The following ASCC3 variants were observed in gnomAD, a reference collection of about 807,000 sequenced individuals.
ASCC3 encodes the protein activating signal cointegrator 1 complex subunit 3, also known as ASC-1 complex subunit P200.
A neutral mutation model predicts 256.3 loss-of-function variants in ASCC3; 158 were observed. The observed-to-expected ratio is 0.62, with a 90% CI of 0.54 to 0.70. The LOEUF (loss-of-function observed/expected upper bound fraction) is 0.70, where lower values mean the gene tolerates loss of function less well. Among genes scored for constraint, ASCC3 ranks in the 30% least tolerant of loss-of-function variants. The pLI is 0.00. For synonymous variants in ASCC3, 948 were observed against 883.4 expected (o/e 1.07, Z -1.30); for missense variants, 2,259 against 2,626.0 (o/e 0.86, Z 3.05).
At chr6:100,756,221 T>C (rs976298878) in intron 10 of ASCC3, among the ~76,000 whole-genome samples, 2 of 152,110 alleles carry the variant, frequency 1.3e-5, no homozygotes, top group East Asian at 3.9e-4. Context: ...AAAAAAAACT[T>C]CTTTGTACGA....
rs377615856 is a variant in ASCC3 at position 100,625,379 on chromosome 6, C to T, written c.4643-45G>A. On this transcript the variant is annotated intron_variant, in intron 29 of 41. Transcript: ENST00000369162. The stretch of plus-strand genomic sequence containing the variant: ...AATAAAATGGAAAGATACTTAACCC[C>T]AGAATATGAATTTCATTAGGATATC... The T allele has an allele frequency of 8.1e-6, 13 of 1,598,560 alleles. No individual in the cohort carries two copies. The African/African-American group carries it at 1.6e-4, about 20-fold the overall frequency.
At chr6:100,756,967 C>T (rs559047532) in intron 10 of ASCC3, among the ~76,000 whole-genome samples, 12 of 151,946 alleles carry the variant, frequency 7.9e-5, no homozygotes, top group Non-Finnish European at 1.6e-4. Context: ...GACTTAAAAA[C>T]TGGAAAATAT....
intron 36 of ASCC3, among the ~76,000 whole-genome samples, chr6:100,583,242 T>A (rs143925650): frequency 0.012 from 1,755 of 152,320 alleles, 26 homozygotes; most frequent in African/African-American, 0.039. Flanking sequence ...GGTAAGCTAT[T>A]GATTATTGCC....
intron 36 of ASCC3, among the ~76,000 whole-genome samples, chr6:100,577,742 CCACACA>C (rs139409330): frequency 0.016 from 2,435 of 149,534 alleles, 64 homozygotes; most frequent in African/African-American, 0.056. Flanking sequence ...ACCCACCCAC[CCACACA>C]CACACACACA....
intron 36 of ASCC3, among the ~76,000 whole-genome samples, chr6:100,542,660 G>T (rs1464314903): frequency 1.3e-5 from 2 of 151,308 alleles, no homozygotes; most frequent in African/African-American, 4.9e-5. Flanking sequence ...TCAGCCTGGA[G>T]ACAGAGCAAG....
At chr6:100,802,551 G>C (rs189324535) in intron 5 of ASCC3, among the ~76,000 whole-genome samples, 81 of 152,104 alleles carry the variant, frequency 5.3e-4, no homozygotes, top group African/African-American at 1.9e-3. Flanking sequence ...AGAATACACT[G>C]ATACAAAAAG....
intron 14 of ASCC3, among the ~76,000 whole-genome samples, chr6:100,664,886 G>A (rs909707361): frequency 5.9e-5 from 9 of 152,158 alleles, no homozygotes; most frequent in Non-Finnish European, 8.8e-5. Context: ...ATTGGTTGAA[G>A]GTGATATTCA....
chr6:100,686,838 T>G (rs1278749327), intron 13 of ASCC3, among the ~76,000 whole-genome samples: 1 of 152,186 alleles, frequency 6.6e-6, no homozygotes, highest in Non-Finnish European at 1.5e-5. Flanking sequence ...TGTTTAATTT[T>G]GGGGCTTTAT....
At chr6:100,711,399 AAG>A (rs1465286539) in intron 13 of ASCC3, among the ~76,000 whole-genome samples, 3 of 152,236 alleles carry the variant, frequency 2.0e-5, no homozygotes, top group African/African-American at 7.2e-5. Context: ...ATTAATTAAA[AAG>A]AGAAGAAATA....
intron 13 of ASCC3, among the ~76,000 whole-genome samples, chr6:100,708,547 G>A (rs927230766): frequency 2.6e-5 from 4 of 152,026 alleles, no homozygotes; most frequent in African/African-American, 9.7e-5. Context: ...ATGTACCCCG[G>A]GGAACATCTG....
chr6:100,767,569 T>C (rs1259133297), intron 8 of ASCC3, among the ~76,000 whole-genome samples: 1 of 151,926 alleles, frequency 6.6e-6, no homozygotes, highest in Non-Finnish European at 1.5e-5. Context: ...ATTTGAAAAA[T>C]ATGATGACAC....
At chr6:100,679,388 A>G (rs1181169861) in intron 14 of ASCC3, among the ~76,000 whole-genome samples, 1 of 152,188 alleles carries the variant, frequency 6.6e-6, no homozygotes, top group African/African-American at 2.4e-5. Context: ...TTTAAAGAGC[A>G]GGACTAGGCA....
At chr6:100,529,736 C>T (rs1465749796) in intron 37 of ASCC3, among the ~76,000 whole-genome samples, 2 of 152,188 alleles carry the variant, frequency 1.3e-5, no homozygotes, top group East Asian at 1.9e-4. Context: ...CAGTCAAATA[C>T]ATTTTTATGG....
At chr6:100,578,173 A>G (rs1770977203) in intron 36 of ASCC3, among the ~76,000 whole-genome samples, 1 of 152,068 alleles carries the variant, frequency 6.6e-6, no homozygotes, top group South Asian at 2.1e-4. Flanking sequence ...AAAGAACATA[A>G]AAGGCGAGAA....
chr6:100,848,574 T>G lies in ASCC3; in HGVS notation c.375A>C (p.Ser125=), dbSNP rs930899091. The part of the protein sequence containing the change: ...IKQMFGPFPS[S]SATAACNATN... ...TAGCATTACAAGCTGCAGTGGCAGATGATGAAGGAAAGGGGCCAAACATCT... is the reference window on the plus strand; with the variant it reads ...TAGCATTACAAGCTGCAGTGGCAGAGGATGAAGGAAAGGGGCCAAACATCT... The change falls in exon 4 of 42, where the codon TCA becomes TCC. Residue 125 remains serine, a synonymous_variant. Coordinates refer to ENST00000369162, the MANE Select transcript of ASCC3 (RefSeq NM_006828.4). 3 of 1,614,156 alleles carry G rather than the reference T, an allele frequency of 1.9e-6. No homozygotes were observed. The highest frequency in any genetic ancestry group is 1.7e-6 in the Non-Finnish European group (2 of 1,180,030).
At chr6:100,728,709 T>C (rs1200788120) in intron 10 of ASCC3, among the ~76,000 whole-genome samples, 1 of 152,120 alleles carries the variant, frequency 6.6e-6, no homozygotes, top group Non-Finnish European at 1.5e-5. Flanking sequence ...TGCAACAGCA[T>C]GGAAAAAAAT....
At chr6:100,578,881 C>T (rs985538839) in intron 36 of ASCC3, among the ~76,000 whole-genome samples, 1 of 151,948 alleles carries the variant, frequency 6.6e-6, no homozygotes, top group African/African-American at 2.4e-5. Flanking sequence ...ACATTTCTAC[C>T]AGCAACATAT....
chr6:100,790,735 T>C (rs891701867), intron 8 of ASCC3, among the ~76,000 whole-genome samples: 3 of 152,016 alleles, frequency 2.0e-5, no homozygotes, highest in Admixed American at 6.6e-5. Context: ...AATTTCCTGC[T>C]ATAAAATCAA....
intron 30 of ASCC3, among the ~76,000 whole-genome samples, chr6:100,619,487 C>T (rs1267534002): frequency 1.3e-5 from 2 of 152,062 alleles, no homozygotes; most frequent in Non-Finnish European, 2.9e-5. Context: ...TTTTACAATC[C>T]TATATATTAA....
Sources: allele counts gnomAD v4.1 joint callset (sites outside exome capture counted in the v4.1 genomes callset), GRCh38; gene constraint gnomAD v4.1.1; transcripts MANE v1.5; gene names NCBI Gene and HGNC (gene_info 2026-07-23, HGNC 2026-07-21).